ZHX1: variants seen among roughly 807,000 people sequenced by gnomAD.
ZHX1 encodes the protein zinc fingers and homeoboxes protein 1.
Under a neutral mutation model 61.8 loss-of-function variants are expected in ZHX1, and 20 were observed. The observed-to-expected ratio is 0.32, with a 90% CI of 0.23 to 0.47. The LOEUF is 0.47. Among genes scored for constraint, ZHX1 ranks in the 20% least tolerant of loss-of-function variants. The pLI is 1.00. For synonymous variants in ZHX1, 318 were observed against 352.6 expected, an observed-to-expected ratio of 0.90 and a Z score of 1.10; for missense variants, 800 against 1,034.8, an observed-to-expected ratio of 0.77 and a Z score of 3.11.
chr8:123,267,321 C>CT lies in ZHX1; in HGVS notation c.-275dup, dbSNP rs1202531715. ...TGTTCTTTGAAATGGAAGGGTATCC[C>CT]TTCTAGTTAGATGTTTAGCTCAGGC... On this transcript the variant is annotated 5_prime_UTR_variant, in exon 2 of 4. Transcript: ENST00000395571. 8 of 1,525,530 alleles carry CT rather than the reference C, an allele frequency of 5.2e-6. No homozygotes were observed. The highest frequency in any genetic ancestry group is 5.3e-6 in the Non-Finnish European group (6 of 1,139,982). 94.5% of individuals were successfully genotyped at this position (1,525,530 alleles called of 1,614,324 possible). A position where few individuals can be genotyped will look rare whatever the true frequency, so the allele number is the denominator to read the frequency against.
chr8:123,260,270 C>T (rs1826205810), intron 2 of ZHX1, among the ~76,000 whole-genome samples: 1 of 152,150 alleles, frequency 6.6e-6, no homozygotes. Flanking sequence ...CCCACTTCCA[C>T]CTTTCAGGGG....
intron 2 of ZHX1, among the ~76,000 whole-genome samples, chr8:123,257,904 G>A (rs16898201): frequency 0.029 from 4,434 of 152,092 alleles, 224 homozygotes; most frequent in African/African-American, 0.1. Context: ...ATTTCCTCCC[G>A]TTTATTTTCT....
At chr8:123,261,759 C>T (rs527637856) in intron 2 of ZHX1, among the ~76,000 whole-genome samples, 16 of 152,140 alleles carry the variant, frequency 1.1e-4, no homozygotes, top group African/African-American at 3.6e-4. Context: ...TATTTTCAGT[C>T]CCTGAAAAAT....
chr8:123,270,401 C>T (rs753653524), intron 1 of ZHX1, among the ~76,000 whole-genome samples: 11 of 151,854 alleles, frequency 7.2e-5, no homozygotes, highest in Non-Finnish European at 1.5e-4. Context: ...GCTATGACTT[C>T]GATATTTTAA....
At chr8:123,270,460 A>T (rs1326026687) in intron 1 of ZHX1, among the ~76,000 whole-genome samples, 1 of 152,116 alleles carries the variant, frequency 6.6e-6, no homozygotes, top group Non-Finnish European at 1.5e-5. Flanking sequence ...TAAAACTAAG[A>T]ACTGAAAATT....
intron 2 of ZHX1, among the ~76,000 whole-genome samples, chr8:123,260,928 A>G (rs950045385): frequency 5.3e-5 from 8 of 152,126 alleles, no homozygotes; most frequent in African/African-American, 1.7e-4. Context: ...AGGCTGAGGC[A>G]GGAGAATCAC....
At chr8:123,260,011 G>A (rs1028466662) in intron 2 of ZHX1, among the ~76,000 whole-genome samples, 7 of 151,956 alleles carry the variant, frequency 4.6e-5, no homozygotes, top group African/African-American at 9.7e-5. Flanking sequence ...AAAGTTAGCC[G>A]TACAGGTGTG....
intron 1 of ZHX1, 102 bp from the exon 2 acceptor site, chr8:123,267,488 GA>G (rs1048840722): frequency 8.1e-5 from 32 of 394,072 alleles, no homozygotes; most frequent in Admixed American, 2.1e-4. Context: ...ATGTAATTTT[GA>G]AAAAAAAAGT....
At position 123,249,213 on chromosome 8, in the gene ZHX1, GA is replaced by G. The variant is rs1238966158; in HGVS notation, c.*1110del. The G allele has an allele frequency of 1.3e-5, 2 of 152,426 alleles. No homozygotes were observed. The highest frequency in any genetic ancestry group is 3.8e-4 in the East Asian group (2 of 5,196). 9.4% of individuals were successfully genotyped at this position (152,426 alleles called of 1,614,324 possible). Reference sequence around the variant, plus strand: ...GAAAAATGGTCCTATGGTCACAAAAGAAAGGGTTCTTCCCAATATGAATGAA... The same window carrying G: ...GAAAAATGGTCCTATGGTCACAAAAGAAGGGTTCTTCCCAATATGAATGAA... On this transcript the variant is annotated 3_prime_UTR_variant, in exon 4 of 4. Transcript: ENST00000395571.
chr8:123,261,541 A>G (rs888904389), intron 2 of ZHX1, among the ~76,000 whole-genome samples: 2 of 152,224 alleles, frequency 1.3e-5, no homozygotes, highest in Non-Finnish European at 2.9e-5. Flanking sequence ...AGGTACCAGC[A>G]GTGAAGCAAG....
intron 2 of ZHX1, among the ~76,000 whole-genome samples, chr8:123,257,425 C>T (rs1826105768): frequency 6.6e-6 from 1 of 152,160 alleles, no homozygotes; most frequent in African/African-American, 2.4e-5. Context: ...CCAGAAATGG[C>T]TGCCATTCCA....
At chr8:123,264,771 G>T (rs1294763602) in intron 2 of ZHX1, among the ~76,000 whole-genome samples, 1 of 150,616 alleles carries the variant, frequency 6.6e-6, no homozygotes, top group Non-Finnish European at 1.5e-5. Context: ...ATCTTGTCCA[G>T]GCTGGTCTTG....
rs781377387 is a variant in ZHX1 at position 123,255,674 on chromosome 8, C to T, written c.273G>A (p.Ser91=). ...DLNMFTFHVD[S]EHPNVVLNSS... ...AATTTAGCACTACATTGGGATGTTC[C>T]GAATCCACATGAAAAGTAAACATAT... Residue 91 remains serine (S), a synonymous_variant, in exon 3 of 4, where the codon TCG becomes TCA. Transcript: ENST00000395571. The T allele has an allele frequency of 5.3e-5, 86 of 1,613,652 alleles. No homozygotes were observed. The highest frequency in any genetic ancestry group is 6.9e-5 in the Non-Finnish European group (81 of 1,179,964).
At chr8:123,250,431 T>C in intron 3 of ZHX1, 111 bp from the exon 4 acceptor site, 1 of 338,098 alleles carries the variant, frequency 3.0e-6, no homozygotes, top group East Asian at 7.9e-5. Flanking sequence ...TCTCTTGAGA[T>C]TACCTGCCAC....
chr8:123,262,235 G>T (rs181617689), intron 2 of ZHX1, among the ~76,000 whole-genome samples: 2 of 152,272 alleles, frequency 1.3e-5, no homozygotes, highest in Admixed American at 1.3e-4. Flanking sequence ...TTCAGTACGG[G>T]AAGTGTTTTT....
chr8:123,275,288 A>C (rs1329268878), upstream of ZHX1: 1 of 152,060 alleles, frequency 6.6e-6, no homozygotes, highest in Non-Finnish European at 1.5e-5. Context: ...TTTCCCCCGC[A>C]CCGCGGTCAG....
chr8:123,271,698 C>CA (rs1826659182), intron 1 of ZHX1, among the ~76,000 whole-genome samples: 1 of 151,398 alleles, frequency 6.6e-6, no homozygotes, highest in African/African-American at 2.4e-5. Flanking sequence ...TATAATAATA[C>CA]AAAAGGGAGA....
chr8:123,250,044 C>T lies in ZHX1; in HGVS notation c.*280G>A, dbSNP rs1289200799. 3.0e-6 allele frequency: 1 copy of T among 334,180 alleles called. No individual in the cohort carries two copies. Among genetic ancestry groups the T allele is most frequent in the Non-Finnish European group, 5.8e-6 (1 of 171,692 alleles). 20.7% of individuals were successfully genotyped at this position (334,180 alleles called of 1,614,324 possible). On this transcript the variant is annotated 3_prime_UTR_variant, in exon 4 of 4. Coordinates refer to ENST00000395571, the MANE Select transcript of ZHX1 (RefSeq NM_007222.5). ...AGAAAGTCTAAGATTCAGAATGTCT[C>T]CATCATATTAGAAGAAAAATGTACT... is the stretch of plus-strand genomic sequence containing the variant.
upstream of ZHX1, chr8:123,275,478 G>C (rs894679212): frequency 1.3e-5 from 2 of 152,058 alleles, no homozygotes; most frequent in Admixed American, 6.6e-5. Flanking sequence ...AAGCACAGCA[G>C]AGCTCCGCTG....
Sources: allele counts gnomAD v4.1 joint callset (sites outside exome capture counted in the v4.1 genomes callset), GRCh38; gene constraint gnomAD v4.1.1; transcripts MANE v1.5; gene names NCBI Gene and HGNC (gene_info 2026-07-23, HGNC 2026-07-21).